The following TRHDE variants were observed in gnomAD, a reference collection of about 807,000 sequenced individuals.
The protein encoded by TRHDE is thyrotropin-releasing hormone-degrading ectoenzyme.
TRHDE carries 72 observed loss-of-function variants against 125.7 expected under a neutral mutation model. That is an observed-to-expected ratio of 0.57 (90% CI 0.47 to 0.70). The LOEUF (loss-of-function observed/expected upper bound fraction) is 0.70. Among genes scored for constraint, TRHDE ranks in the 30% least tolerant of loss-of-function variants. The pLI, the probability that TRHDE is intolerant of heterozygous loss-of-function variation, is 0.00. For missense variants in TRHDE, 1,110 were observed against 1,327.1 expected (o/e 0.84, Z 2.54); for synonymous variants, 509 against 509.1 (o/e 1.00, Z 0.00).
chr12:72,333,193 T>G (rs907898333), intron 2 of TRHDE, among the ~76,000 whole-genome samples: 52 of 152,212 alleles, frequency 3.4e-4, no homozygotes, highest in Admixed American at 3.4e-3. Context: ...AGAACTTTGG[T>G]GGTACCCAGT....
intron 2 of TRHDE, among the ~76,000 whole-genome samples, chr12:72,363,529 A>T (rs573662229): frequency 3.3e-5 from 5 of 152,252 alleles, no homozygotes; most frequent in African/African-American, 1.2e-4. Context: ...CCACATGATT[A>T]TCTCAATAGA....
At chr12:72,347,717 G>A (rs1482944711) in intron 2 of TRHDE, among the ~76,000 whole-genome samples, 2 of 151,962 alleles carry the variant, frequency 1.3e-5, no homozygotes, top group South Asian at 2.1e-4. Flanking sequence ...CTCTCCATAC[G>A]GCAAATTACC....
chr12:72,350,342 A>G (rs1870525609), intron 2 of TRHDE, among the ~76,000 whole-genome samples: 1 of 152,038 alleles, frequency 6.6e-6, no homozygotes, highest in Non-Finnish European at 1.5e-5. Context: ...TGACAGCAGT[A>G]ATGGCGATGA....
chr12:72,575,390 T>TAC lies in TRHDE; in HGVS notation c.2265+5_2265+6dup. On this transcript the variant is annotated splice_region_variant and intron_variant, in intron 11 of 18. Coordinates refer to ENST00000261180, the MANE Select transcript of TRHDE (RefSeq NM_013381.3). Reference sequence around the variant, plus strand: ...GATCAATTAATCCGGAATCATGAGGTACACTCCAGATTTGCTTATCAAAGA... The same window carrying TAC: ...GATCAATTAATCCGGAATCATGAGGTACACACTCCAGATTTGCTTATCAAAGA... 1 of 1,613,626 alleles carries TAC rather than the reference T, an allele frequency of 6.2e-7. No homozygotes were observed. Among genetic ancestry groups the TAC allele is most frequent in the Non-Finnish European group, 8.5e-7 (1 of 1,179,700 alleles).
intron 3 of TRHDE, among the ~76,000 whole-genome samples, chr12:72,394,912 T>C (rs112679219): frequency 1.3e-5 from 2 of 152,266 alleles, no homozygotes; most frequent in African/African-American, 4.8e-5. Flanking sequence ...TGGTGTTTTC[T>C]TAAATGTCTT....
chr12:72,195,146 A>C (rs1054512803), intron 2 of TRHDE, among the ~76,000 whole-genome samples: 1 of 152,022 alleles, frequency 6.6e-6, no homozygotes, highest in Admixed American at 6.6e-5. Context: ...TGCTCACTAT[A>C]ATGAGAATAG....
intron 9 of TRHDE, among the ~76,000 whole-genome samples, chr12:72,565,707 T>C (rs1398440582): frequency 6.6e-6 from 1 of 152,178 alleles, no homozygotes; most frequent in Non-Finnish European, 1.5e-5. Flanking sequence ...TTCATTAATA[T>C]TGATGCTATT....
At chr12:72,156,049 C>T (rs188230639) in intron 2 of TRHDE, among the ~76,000 whole-genome samples, 103 of 152,300 alleles carry the variant, frequency 6.8e-4, no homozygotes, top group African/African-American at 2.3e-3. Flanking sequence ...CCACCCAGTT[C>T]GAGCTTCCAG....
chr12:72,485,380 C>A (rs532781474), intron 5 of TRHDE, among the ~76,000 whole-genome samples: 1 of 152,310 alleles, frequency 6.6e-6, no homozygotes, highest in East Asian at 1.9e-4. Context: ...TGCTGCTATT[C>A]TTTACCTCCT....
chr12:72,526,740 G>A (rs1868345141), intron 6 of TRHDE, among the ~76,000 whole-genome samples: 1 of 152,048 alleles, frequency 6.6e-6, no homozygotes, highest in African/African-American at 2.4e-5. Flanking sequence ...TCTGCACAAG[G>A]ATATCTGAGT....
chr12:72,517,841 T>G (rs1195512417), intron 6 of TRHDE, among the ~76,000 whole-genome samples: 1 of 151,916 alleles, frequency 6.6e-6, no homozygotes, highest in Non-Finnish European at 1.5e-5. Context: ...TCTGGTATGT[T>G]GTGTCTTTGT....
intron 2 of TRHDE, among the ~76,000 whole-genome samples, chr12:72,252,439 A>T (rs1430962846): frequency 6.6e-6 from 1 of 152,016 alleles, no homozygotes; most frequent in Non-Finnish European, 1.5e-5. Context: ...ATTGGAAAAC[A>T]ATCAGTTGGA....
At chr12:72,335,118 C>T (rs1869772306) in intron 2 of TRHDE, among the ~76,000 whole-genome samples, 1 of 152,084 alleles carries the variant, frequency 6.6e-6, no homozygotes, top group Non-Finnish European at 1.5e-5. Flanking sequence ...GTGACTATGC[C>T]CTGCTTCTGA....
intron 2 of TRHDE, chr12:72,258,317 AG>A (rs1259473430): frequency 5.3e-5 from 8 of 152,294 alleles, no homozygotes; most frequent in African/African-American, 1.9e-4. Flanking sequence ...GAATAGGCAA[AG>A]CTGGTGCCTA....
intron 2 of TRHDE, among the ~76,000 whole-genome samples, chr12:72,335,378 T>C (rs752432836): frequency 1.3e-5 from 2 of 152,244 alleles, no homozygotes; most frequent in Non-Finnish European, 2.9e-5. Flanking sequence ...TGTATGATAC[T>C]AGAAATTAAT....
intron 2 of TRHDE, among the ~76,000 whole-genome samples, chr12:72,355,069 ACAACGTGGGACC>A (rs1325916913): frequency 1.3e-5 from 2 of 151,560 alleles, no homozygotes; most frequent in Non-Finnish European, 3.0e-5. Context: ...TGTGGTGAAT[ACAACGTGGGACC>A]TCTTAGTCTC....
chr12:72,516,714 T>C (rs1008374031), intron 6 of TRHDE, among the ~76,000 whole-genome samples: 2 of 150,830 alleles, frequency 1.3e-5, no homozygotes, highest in African/African-American at 2.4e-5. Context: ...GGCATCCCTG[T>C]CTTGTGCCAG....
intron 5 of TRHDE, among the ~76,000 whole-genome samples, chr12:72,489,736 G>A (rs935936083): frequency 1.3e-5 from 2 of 151,592 alleles, no homozygotes; most frequent in African/African-American, 2.4e-5. Flanking sequence ...AAGAAGACAC[G>A]ATGAGAAAAA....
chr12:72,557,969 A>G (rs1158726489), intron 7 of TRHDE, among the ~76,000 whole-genome samples: 2 of 152,224 alleles, frequency 1.3e-5, no homozygotes, highest in African/African-American at 4.8e-5. Context: ...TCACACACAC[A>G]CACACACACA....
Sources: allele counts gnomAD v4.1 joint callset (sites outside exome capture counted in the v4.1 genomes callset), GRCh38; gene constraint gnomAD v4.1.1; transcripts MANE v1.5; gene names NCBI Gene and HGNC (gene_info 2026-07-23, HGNC 2026-07-21).